Variants in ARHGAP6 observed in about 807,000 individuals in gnomAD.
The protein encoded by ARHGAP6 is rho GTPase-activating protein 6.
Under a neutral mutation model 55.7 loss-of-function variants are expected in ARHGAP6, and 16 were observed. The observed-to-expected ratio is 0.29, with a 90% CI of 0.19 to 0.44. The LOEUF is 0.44. Among genes scored for constraint, ARHGAP6 ranks in the 20% least tolerant of loss-of-function variants. ARHGAP6 has a pLI of 1.00. For missense variants in ARHGAP6, 698 were observed against 808.9 expected, an observed-to-expected ratio of 0.86 and a Z score of 1.66; for synonymous variants, 382 against 360.9, an observed-to-expected ratio of 1.06 and a Z score of -0.66.
chrX:11,467,531 T>C (rs2050305550), intron 1 of ARHGAP6, among the ~76,000 whole-genome samples: 1 of 111,717 alleles, frequency 9.0e-6, no homozygotes, highest in Non-Finnish European at 1.9e-5. Context: ...GGATATATTA[T>C]GGTATATACA....
At chrX:11,207,824 C>T (rs2046728773) in intron 2 of ARHGAP6, among the ~76,000 whole-genome samples, 1 of 111,484 alleles carries the variant, frequency 9.0e-6, no homozygotes, top group South Asian at 3.8e-4. Context: ...TAAAATATTC[C>T]TATTGTCTCC....
At chrX:11,461,819 A>G (rs1244767473) in intron 1 of ARHGAP6, among the ~76,000 whole-genome samples, 1 of 110,905 alleles carries the variant, frequency 9.0e-6, no homozygotes, top group African/African-American at 3.3e-5. Context: ...GCAGGCAGCA[A>G]CTCTTCCCCA....
chrX:11,615,167 G>T (rs1323408048), intron 1 of ARHGAP6, among the ~76,000 whole-genome samples: 4 of 111,433 alleles, frequency 3.6e-5, no homozygotes, highest in African/African-American at 1.3e-4. Flanking sequence ...TTCCCAAAAT[G>T]TCAAACCAGT....
intron 1 of ARHGAP6, among the ~76,000 whole-genome samples, chrX:11,420,253 C>T (rs1181095980): frequency 8.9e-6 from 1 of 111,858 alleles, no homozygotes; most frequent in Non-Finnish European, 1.9e-5. Flanking sequence ...CTGGATCTAC[C>T]TTTACGTTTT....
intron 8 of ARHGAP6, among the ~76,000 whole-genome samples, chrX:11,172,608 T>C (rs767971706): frequency 8.9e-6 from 1 of 112,124 alleles, no homozygotes; most frequent in Non-Finnish European, 1.9e-5. Context: ...CCTTCTCCTG[T>C]TGCTATTCTG....
chrX:11,660,530 C>CA lies in ARHGAP6; in HGVS notation c.588+3710dup, dbSNP rs56274949. Among the ~76,000 whole-genome samples the CA allele has an allele frequency of 2.9e-4, 8 of 27,299 alleles. 1 individual carries two copies. The highest frequency in any genetic ancestry group is 5.1e-4 in the Non-Finnish European group (7 of 13,790). The allele number at this position is 27,299 out of a possible 115,157, so 23.7% of individuals were successfully genotyped here. On this transcript the variant is annotated intron_variant, in intron 1 of 12. Coordinates refer to ENST00000337414, the MANE Select transcript of ARHGAP6 (RefSeq NM_013427.3). ...CAACAGGGTGAGACTCTCTCTCTCT[C>CA]AAAAAAAAAAAAAAAAAAAAAAAAA...
intron 1 of ARHGAP6, among the ~76,000 whole-genome samples, chrX:11,517,116 G>T (rs2050849810): frequency 8.9e-6 from 1 of 112,183 alleles, no homozygotes; most frequent in Non-Finnish European, 1.9e-5. Context: ...TGTCTAGGTA[G>T]ACTGAGGCTG....
intron 1 of ARHGAP6, among the ~76,000 whole-genome samples, chrX:11,592,072 A>G (rs1449505827): frequency 5.4e-5 from 6 of 111,845 alleles, no homozygotes; most frequent in Non-Finnish European, 1.1e-4. Context: ...AGAAAGGGAG[A>G]CTAAGTAGGT....
chrX:11,497,382 A>G (rs985377173), intron 1 of ARHGAP6, among the ~76,000 whole-genome samples: 2 of 111,305 alleles, frequency 1.8e-5, no homozygotes, highest in African/African-American at 6.5e-5. Flanking sequence ...TCCCCCTAAA[A>G]TTCATATGTT....
At chrX:11,162,141 G>A (rs1266373640) in intron 9 of ARHGAP6, among the ~76,000 whole-genome samples, 1 of 111,273 alleles carries the variant, frequency 9.0e-6, no homozygotes, top group Non-Finnish European at 1.9e-5. Context: ...ACCTGAAGTG[G>A]GGCATGTAGG....
chrX:11,310,904 T>C (rs1224685385), intron 1 of ARHGAP6, among the ~76,000 whole-genome samples: 1 of 112,156 alleles, frequency 8.9e-6, no homozygotes. Context: ...TTCCTATCTG[T>C]GAGAGTTTTT....
intron 1 of ARHGAP6, among the ~76,000 whole-genome samples, chrX:11,424,156 C>T (rs2049855365): frequency 8.9e-6 from 1 of 112,015 alleles, no homozygotes; most frequent in Non-Finnish European, 1.9e-5. Context: ...TTCGACTATC[C>T]TCATTGTCTA....
chrX:11,184,106 C>A (rs1485923625), intron 5 of ARHGAP6, among the ~76,000 whole-genome samples: 1 of 112,049 alleles, frequency 8.9e-6, no homozygotes, highest in African/African-American at 3.2e-5. Flanking sequence ...CCAGCCGTGC[C>A]TAAATCTAGA....
chrX:11,274,822 C>T lies in ARHGAP6; in HGVS notation c.589-20115G>A, dbSNP rs1313151764. ...ACAGGACCCAGTGTGTGTTGCTCCC[C>T]TTCCTGTGTCCAGGAACCACATGTT... is the stretch of plus-strand genomic sequence containing the variant. On this transcript the variant is annotated intron_variant, in intron 1 of 12. Transcript: ENST00000337414. 8.1e-5 allele frequency among the ~76,000 whole-genome samples: 9 copies of T among 111,159 alleles called. No homozygotes were observed. The Admixed American group carries it at 8.6e-4, about 11-fold the overall frequency.
chrX:11,144,533 A>G (rs1287697389), intron 10 of ARHGAP6, among the ~76,000 whole-genome samples: 1 of 112,745 alleles, frequency 8.9e-6, no homozygotes, highest in African/African-American at 3.2e-5. Flanking sequence ...GCATTTGCCA[A>G]TGGGCATCGC....
chrX:11,169,735 A>T, intron 8 of ARHGAP6, 51 bp from the exon 9 acceptor site: 1 of 947,432 alleles, frequency 1.1e-6, no homozygotes, highest in South Asian at 3.4e-5. Context: ...CTTTCAAGAT[A>T]CTGGGTGATT....
intron 2 of ARHGAP6, among the ~76,000 whole-genome samples, chrX:11,226,100 T>C (rs1232951754): frequency 1.8e-5 from 2 of 109,495 alleles, no homozygotes; most frequent in African/African-American, 6.7e-5. Context: ...GCTGCACCCG[T>C]TAACTCGTCA....
chrX:11,445,938 G>C (rs2050088324), intron 1 of ARHGAP6, among the ~76,000 whole-genome samples: 1 of 111,250 alleles, frequency 9.0e-6, no homozygotes, highest in African/African-American at 3.3e-5. Context: ...ATGCCCTGTG[G>C]TTGGTTCAGA....
At chrX:11,453,222 C>CTA (rs775999221) in intron 1 of ARHGAP6, among the ~76,000 whole-genome samples, 143 of 95,151 alleles carry the variant, frequency 1.5e-3, no homozygotes, top group African/African-American at 5.6e-3. Context: ...TATATATATG[C>CTA]TATATATATA....
Sources: gnomAD v4.1 joint callset for allele counts (sites outside exome capture counted in the v4.1 genomes callset) on GRCh38, gnomAD v4.1.1 for gene constraint, MANE v1.5 for transcripts, NCBI Gene and HGNC (gene_info 2026-07-23, HGNC 2026-07-21) for gene names.